The following FLRT1 variants were observed in gnomAD, a reference collection of about 807,000 sequenced individuals.
FLRT1 encodes the protein leucine-rich repeat transmembrane protein FLRT1.
FLRT1 carries 14 observed loss-of-function variants against 30.9 expected under a neutral mutation model. The observed-to-expected ratio is 0.45, with a 90% confidence interval of 0.30 to 0.71. The LOEUF (loss-of-function observed/expected upper bound fraction) is 0.71. Ranked by LOEUF, FLRT1 falls within the 30% of genes least tolerant of loss-of-function variation. The probability of loss-of-function intolerance (pLI) is 0.08; values close to 1 mark genes in which losing one functional copy is unlikely to be tolerated. For synonymous variants in FLRT1, 368 were observed against 430.4 expected (o/e 0.85, Z 1.80); for missense variants, 737 against 949.2 (o/e 0.78, Z 2.94).
At chr11:64,111,980 G>C (rs1370356798) in intron 2 of FLRT1, among the ~76,000 whole-genome samples, 7 of 152,168 alleles carry the variant, frequency 4.6e-5, no homozygotes, top group Admixed American at 4.6e-4. Context: ...TCAGCAGTGT[G>C]GAGTCAAGCA....
chr11:64,087,407 C>T (rs888236036), intron 1 of FLRT1, among the ~76,000 whole-genome samples: 2 of 152,178 alleles, frequency 1.3e-5, no homozygotes, highest in Admixed American at 6.5e-5. Flanking sequence ...GTCCCCAGCC[C>T]GAGGAGACTC....
chr11:64,117,305 G>C lies in FLRT1; in HGVS notation c.1038G>C (p.Arg346=), dbSNP rs528270608. ...LMWLRDWVKA[R]AAVVNVRGLM... is the part of the protein sequence containing the mutation. ...GGCTGCGGGACTGGGTGAAGGCACG[G>C]GCGGCCGTGGTCAACGTGCGGGGCC... Residue 346 remains arginine, a synonymous_variant, in exon 3 of 3, where the codon CGG becomes CGC. Coordinates refer to ENST00000682287, the MANE Select transcript of FLRT1 (RefSeq NM_013280.5). 7 of 1,614,144 alleles carry C rather than the reference G, an allele frequency of 4.3e-6. No homozygotes were observed. The South Asian group carries it at 6.6e-5, about 15-fold the overall frequency.
intron 1 of FLRT1, among the ~76,000 whole-genome samples, chr11:64,056,204 C>T (rs1382960600): frequency 6.6e-6 from 1 of 152,120 alleles, no homozygotes; most frequent in Non-Finnish European, 1.5e-5. Flanking sequence ...GGTGTCTTTG[C>T]CCATTTGGCT....
At chr11:64,041,566 T>G (rs1366959424) in intron 1 of FLRT1, among the ~76,000 whole-genome samples, 1 of 151,574 alleles carries the variant, frequency 6.6e-6, no homozygotes, top group Non-Finnish European at 1.5e-5. Flanking sequence ...GGGCTTCGTG[T>G]AGGGCAGAGC....
chr11:64,085,347 C>T (rs1944374762), intron 1 of FLRT1, among the ~76,000 whole-genome samples: 1 of 152,210 alleles, frequency 6.6e-6, no homozygotes, highest in Non-Finnish European at 1.5e-5. Flanking sequence ...GCTGCTCCCA[C>T]CCCAAATCGA....
chr11:64,091,080 T>G (rs1345170418), intron 1 of FLRT1, among the ~76,000 whole-genome samples: 2 of 87,956 alleles, frequency 2.3e-5, no homozygotes, highest in African/African-American at 4.4e-5. Context: ...AGGAGGGACA[T>G]GGGAGGAGGA....
At chr11:64,040,163 G>A (rs1183136180) in intron 1 of FLRT1, among the ~76,000 whole-genome samples, 3 of 152,232 alleles carry the variant, frequency 2.0e-5, no homozygotes, top group Non-Finnish European at 4.4e-5. Flanking sequence ...CCAGTCAGAT[G>A]TGGTGTCAGA....
intron 2 of FLRT1, among the ~76,000 whole-genome samples, chr11:64,104,753 A>G (rs1372499129): frequency 6.6e-6 from 1 of 152,150 alleles, no homozygotes; most frequent in Non-Finnish European, 1.5e-5. Flanking sequence ...CTTCCAGTTC[A>G]GCCTCTTTGT....
intron 1 of FLRT1, among the ~76,000 whole-genome samples, chr11:64,048,174 G>A (rs1943621255): frequency 6.6e-6 from 1 of 152,254 alleles, no homozygotes; most frequent in Non-Finnish European, 1.5e-5. Context: ...TGGCCCACTG[G>A]CCTCTCAGAC....
chr11:64,066,114 T>C (rs1194794643), intron 1 of FLRT1, among the ~76,000 whole-genome samples: 1 of 151,334 alleles, frequency 6.6e-6, no homozygotes, highest in East Asian at 2.0e-4. Context: ...TTGGCCAACA[T>C]GGTGAAACCC....
chr11:64,075,813 T>C (rs756551687), intron 1 of FLRT1, among the ~76,000 whole-genome samples: 6 of 152,234 alleles, frequency 3.9e-5, no homozygotes, highest in African/African-American at 1.2e-4. Flanking sequence ...GCTGGAGTTA[T>C]AGACTTGAGC....
Position 64,116,466 on chromosome 11 carries a change from T to C in FLRT1, c.199T>C (p.Cys67Arg). The C allele has an allele frequency of 6.2e-7, 1 of 1,614,060 alleles. No individual in the cohort carries two copies. Among genetic ancestry groups the C allele is most frequent in the Non-Finnish European group, 8.5e-7 (1 of 1,180,032 alleles). ...VCRCDNGFIY[C>R]NDRGLTSIPA... ...CCGCTGCGACAACGGCTTCATCTAC[T>C]GCAACGACCGGGGACTCACATCCAT... Residue 67 changes from cysteine (C) to arginine (R), a missense_variant, in exon 3 of 3, where the codon TGC becomes CGC. Physicochemically the swap from Cys to Arg is radical, Grantham distance 180. Transcript: ENST00000682287.
chr11:64,090,889 C>A lies in FLRT1; in HGVS notation c.-1037-12305C>A, dbSNP rs1429885463. ...AGGGACGAAGTAAAGCAGGAGAGGGCAGGGGGAGGGACAGCCAGGGTGGTC... is the reference window on the plus strand; with the variant it reads ...AGGGACGAAGTAAAGCAGGAGAGGGAAGGGGGAGGGACAGCCAGGGTGGTC... On this transcript the variant is annotated intron_variant, in intron 1 of 2. Transcript: ENST00000682287. The surrounding 1 kb of genome is among the most constrained non-coding windows in gnomAD (Gnocchi z 4.7). 6.6e-6 allele frequency among the ~76,000 whole-genome samples: 1 copy of A among 151,956 alleles called. No individual in the cohort carries two copies. Among genetic ancestry groups the A allele is most frequent in the Non-Finnish European group, 1.5e-5 (1 of 67,974 alleles).
At chr11:64,100,949 A>G (rs1223866414) in intron 1 of FLRT1, among the ~76,000 whole-genome samples, 2 of 152,146 alleles carry the variant, frequency 1.3e-5, no homozygotes, top group African/African-American at 4.8e-5. Flanking sequence ...GGTTTTCTAA[A>G]TGAGGGAGCA....
intron 1 of FLRT1, among the ~76,000 whole-genome samples, chr11:64,061,816 A>G (rs550231166): frequency 1.3e-4 from 19 of 147,758 alleles, no homozygotes; most frequent in African/African-American, 4.5e-4. Context: ...CCTTCAAGCC[A>G]TCCTCCCACC....
intron 1 of FLRT1, among the ~76,000 whole-genome samples, chr11:64,078,016 G>A (rs1010440813): frequency 5.3e-5 from 8 of 152,164 alleles, no homozygotes; most frequent in Admixed American, 1.3e-4. Flanking sequence ...CGCTCTCCCC[G>A]TGCCCAAGGC....
At position 64,067,401 on chromosome 11, in the gene FLRT1, C is replaced by G. The variant is rs368549656; in HGVS notation, c.-1038+31242C>G. 3.6e-4 allele frequency among the ~76,000 whole-genome samples: 55 copies of G among 152,282 alleles called. No homozygotes were observed. Among genetic ancestry groups the G allele is most frequent in the Middle Eastern group, 3.4e-3 (1 of 294 alleles). ...GTGAAAATGAAATATAGATTCAATA[C>G]CTGAGCCTTTCAGCTCACAAATCAT... On this transcript the variant is annotated intron_variant, in intron 1 of 2. Coordinates refer to ENST00000682287, the MANE Select transcript of FLRT1 (RefSeq NM_013280.5). This position sits in a 1 kb window ranked among gnomAD's most constrained non-coding sequence, Gnocchi z 4.6.
intron 1 of FLRT1, among the ~76,000 whole-genome samples, chr11:64,075,452 C>G (rs1185541283): frequency 6.6e-6 from 1 of 152,250 alleles, no homozygotes; most frequent in Non-Finnish European, 1.5e-5. Flanking sequence ...AACCGAAGCT[C>G]AGAGAGGCTA....
rs888723496 is a variant in FLRT1 at position 64,082,536 on chromosome 11, C to T, written c.-1037-20658C>T. On this transcript the variant is annotated intron_variant, in intron 1 of 2. Transcript: ENST00000682287. The surrounding 1 kb of genome is among the most constrained non-coding windows in gnomAD (Gnocchi z 4.5). The stretch of plus-strand genomic sequence containing the variant: ...AGGCTCGGTGCCTAACGGTGGTGGC[C>T]GTGGGAGTCAGAGCTCCAGGCGGAA... Among the ~76,000 whole-genome samples the T allele has an allele frequency of 3.3e-5, 5 of 152,134 alleles. No homozygotes were observed. The highest frequency in any genetic ancestry group is 6.5e-5 in the Admixed American group (1 of 15,298).
Sources: gnomAD v4.1 joint callset for allele counts (sites outside exome capture counted in the v4.1 genomes callset) on GRCh38, gnomAD v4.1.1 for gene constraint, Gnocchi (gnomAD v3.1) non-coding constraint, MANE v1.5 for transcripts, NCBI Gene and HGNC (gene_info 2026-07-23, HGNC 2026-07-21) for gene names.